The following KCNH7 variants were observed in gnomAD, a reference collection of about 807,000 sequenced individuals.
KCNH7 encodes voltage-gated inwardly rectifying potassium channel KCNH7.
KCNH7 carries 49 observed loss-of-function variants against 120.8 expected under a neutral mutation model. That is an observed-to-expected ratio of 0.41 (90% CI 0.32 to 0.51). The LOEUF (loss-of-function observed/expected upper bound fraction) is 0.51. Among genes scored for constraint, KCNH7 ranks in the 20% least tolerant of loss-of-function variants. The probability of loss-of-function intolerance (pLI) is 0.38; values close to 1 mark genes in which losing one functional copy is unlikely to be tolerated. For synonymous variants in KCNH7, 547 were observed against 516.1 expected (o/e 1.06, Z -0.81); for missense variants, 1,097 against 1,446.6 (o/e 0.76, Z 3.92).
chr2:162,793,826 T>G (rs1010498611), intron 2 of KCNH7, among the ~76,000 whole-genome samples: 10 of 152,018 alleles, frequency 6.6e-5, no homozygotes, highest in Admixed American at 3.3e-4. Flanking sequence ...TGTTTATTTT[T>G]TAACTTAGAG....
Position 162,464,676 on chromosome 2 carries a change from T to C in KCNH7, c.1129-18233A>G, listed in dbSNP as rs540872046. Among the ~76,000 whole-genome samples the C allele has an allele frequency of 2.6e-5, 4 of 152,180 alleles. No homozygotes were observed. The South Asian group carries it at 8.3e-4, about 32-fold the overall frequency. ...TGCATTTACTCTCTTGTCAGACACA[T>C]ATAAATAACAAAAGGCAGGTATTAC... On this transcript the variant is annotated intron_variant, in intron 6 of 15. Transcript: ENST00000332142.
rs946191475 is a variant in KCNH7 at position 162,684,418 on chromosome 2, C to T, written c.308-147338G>A. Among the ~76,000 whole-genome samples, 7 of 151,984 alleles carry T rather than the reference C, an allele frequency of 4.6e-5. No homozygotes were observed. In the East Asian group the frequency reaches 7.7e-4, roughly 17 times the overall value. On this transcript the variant is annotated intron_variant, in intron 2 of 15. Transcript: ENST00000332142. ...ATCATCAGAGTGAACAGGCAACCTA[C>T]GGAAAGGGAGAAAATTTTTGCAATC...
chr2:162,431,277 T>C (rs1174779759), intron 8 of KCNH7, among the ~76,000 whole-genome samples: 1 of 152,048 alleles, frequency 6.6e-6, no homozygotes. Context: ...TTCAACCTGA[T>C]AACCACAATA....
At chr2:162,688,732 C>CTTTTTTTTTTT (rs71410027) in intron 2 of KCNH7, among the ~76,000 whole-genome samples, 1 of 137,792 alleles carries the variant, frequency 7.3e-6, no homozygotes. Context: ...TGCCCCCATT[C>CTTTTTTTTTTT]TTTTTTTTTT....
chr2:162,467,710 C>G (rs1573993145), intron 6 of KCNH7, among the ~76,000 whole-genome samples: 1 of 152,214 alleles, frequency 6.6e-6, no homozygotes, highest in Non-Finnish European at 1.5e-5. Flanking sequence ...CTGGTGAAAT[C>G]TTACATTTAT....
rs577898879 is a variant in KCNH7 at position 162,756,831 on chromosome 2, C to A, written c.307+79706G>T. Among the ~76,000 whole-genome samples, 4 of 152,258 alleles carry A rather than the reference C, an allele frequency of 2.6e-5. No individual in the cohort carries two copies. The East Asian group carries it at 7.7e-4, about 29-fold the overall frequency. ...GCTTTAAAGGACAATTTAGCTTATA[C>A]ACAGGGTGTTTCTAAAGTGAGATTC... On this transcript the variant is annotated intron_variant, in intron 2 of 15. Transcript: ENST00000332142.
At chr2:162,444,721 G>A (rs935430828) in intron 7 of KCNH7, among the ~76,000 whole-genome samples, 1 of 151,980 alleles carries the variant, frequency 6.6e-6, no homozygotes, top group African/African-American at 2.4e-5. Context: ...ATCAACATAA[G>A]CTTATTTGGT....
In KCNH7 at chr2:162,603,666, A is replaced by G. The variant is rs917155933; in HGVS notation, c.308-66586T>C. On this transcript the variant is annotated intron_variant, in intron 2 of 15. Coordinates refer to ENST00000332142, the MANE Select transcript of KCNH7 (RefSeq NM_033272.4). ...CATAGCCCAAAGAACTGGACATAAA[A>G]GGAAAAGAAACAAGAAATAAGTAAA... 2.6e-5 allele frequency among the ~76,000 whole-genome samples: 4 copies of G among 152,108 alleles called. 1 individual carries two copies. The highest frequency in any genetic ancestry group is 5.9e-5 in the Non-Finnish European group (4 of 67,992).
At chr2:162,489,003 C>T (rs1172196819) in intron 6 of KCNH7, among the ~76,000 whole-genome samples, 2 of 152,148 alleles carry the variant, frequency 1.3e-5, no homozygotes, top group Non-Finnish European at 2.9e-5. Flanking sequence ...TGATTTTTCA[C>T]ACTTATTAAT....
chr2:162,595,105 G>T lies in KCNH7; in HGVS notation c.308-58025C>A, dbSNP rs183586968. ...TCAATTGACTGGGTAATTTCTAAAC[G>T]AGAGAGGTTTATTTGATTCATAATG... On this transcript the variant is annotated intron_variant, in intron 2 of 15. Coordinates refer to ENST00000332142, the MANE Select transcript of KCNH7 (RefSeq NM_033272.4). 1.2e-4 allele frequency among the ~76,000 whole-genome samples: 19 copies of T among 152,120 alleles called. No homozygotes were observed. In the East Asian group the frequency reaches 3.5e-3, roughly 28 times the overall value.
chr2:162,373,614 C>T lies in KCNH7; in HGVS notation c.3180G>A (p.Leu1060=). The change falls in exon 15 of 16, where the codon CTG becomes CTA. Residue 1060 remains leucine (L), a synonymous_variant. Coordinates refer to ENST00000332142, the MANE Select transcript of KCNH7 (RefSeq NM_033272.4). ...TTDIQTILQL[L]QKQTTVVPPA... ...GGGGGACCACAGTGGTTTGTTTCTGCAGCAACTGTAAGATGGTCTGGATGT... is the reference window on the plus strand; with the variant it reads ...GGGGGACCACAGTGGTTTGTTTCTGTAGCAACTGTAAGATGGTCTGGATGT... The T allele has an allele frequency of 6.4e-7, 1 of 1,565,170 alleles. No homozygotes were observed. The highest frequency in any genetic ancestry group is 8.7e-7 in the Non-Finnish European group (1 of 1,154,306).
intron 2 of KCNH7, among the ~76,000 whole-genome samples, chr2:162,827,130 T>A (rs944508413): frequency 6.6e-6 from 1 of 152,106 alleles, no homozygotes; most frequent in African/African-American, 2.4e-5. Context: ...TGGCTCAAGA[T>A]GTAGAAAATT....
At chr2:162,449,712 T>C (rs1405801579) in intron 6 of KCNH7, among the ~76,000 whole-genome samples, 1 of 151,980 alleles carries the variant, frequency 6.6e-6, no homozygotes, top group Non-Finnish European at 1.5e-5. Flanking sequence ...CAGGATGTAT[T>C]TTCCCTCAGA....
intron 9 of KCNH7, among the ~76,000 whole-genome samples, chr2:162,409,414 A>G (rs1476816069): frequency 6.6e-6 from 1 of 151,976 alleles, no homozygotes; most frequent in African/African-American, 2.4e-5. Context: ...AGAGGTGATT[A>G]AAGATACACT....
chr2:162,730,376 A>G (rs953865365), intron 2 of KCNH7, among the ~76,000 whole-genome samples: 2 of 151,304 alleles, frequency 1.3e-5, no homozygotes, highest in African/African-American at 4.9e-5. Context: ...TTGTTATGAA[A>G]CTGCATTTCC....
chr2:162,674,859 G>C (rs995609806), intron 2 of KCNH7, among the ~76,000 whole-genome samples: 1 of 151,526 alleles, frequency 6.6e-6, no homozygotes, highest in East Asian at 1.9e-4. Flanking sequence ...AGTTTTAGAA[G>C]ATAATTTGGA....
chr2:162,446,616 T>C (rs1044005530), intron 6 of KCNH7, among the ~76,000 whole-genome samples, 173 bp from the exon 7 acceptor site: 5 of 152,146 alleles, frequency 3.3e-5, no homozygotes, highest in Admixed American at 6.6e-5. Flanking sequence ...TATAAACTTA[T>C]ACAGTGTATT....
chr2:162,594,689 G>A (rs181088832), intron 2 of KCNH7, among the ~76,000 whole-genome samples: 46 of 151,606 alleles, frequency 3.0e-4, no homozygotes, highest in East Asian at 9.9e-4. Context: ...GACTTTTCTC[G>A]TCCTTATTCC....
intron 2 of KCNH7, among the ~76,000 whole-genome samples, chr2:162,583,712 C>G (rs1693946096): frequency 6.6e-6 from 1 of 151,950 alleles, no homozygotes; most frequent in Non-Finnish European, 1.5e-5. Flanking sequence ...ACAACAAAAA[C>G]CACACAATGG....
Sources: gnomAD v4.1 joint callset for allele counts (sites outside exome capture counted in the v4.1 genomes callset) on GRCh38, gnomAD v4.1.1 for gene constraint, MANE v1.5 for transcripts, NCBI Gene and HGNC (gene_info 2026-07-23, HGNC 2026-07-21) for gene names.